SORCS2: variants seen among roughly 807,000 people sequenced by gnomAD.
SORCS2 encodes VPS10 domain-containing receptor SorCS2.
SORCS2 carries 100 observed loss-of-function variants against 141.6 expected under a neutral mutation model. That is an observed-to-expected ratio of 0.71 (90% CI 0.60 to 0.83). The LOEUF is 0.83. Ranked by LOEUF, SORCS2 falls within the 40% of genes least tolerant of loss-of-function variation. The probability of loss-of-function intolerance (pLI) is 0.00; values close to 1 mark genes in which losing one functional copy is unlikely to be tolerated. For missense variants in SORCS2, 1,646 were observed against 1,560.2 expected, an observed-to-expected ratio of 1.05 and a Z score of -0.93; for synonymous variants, 789 against 676.9, an observed-to-expected ratio of 1.17 and a Z score of -2.57.
rs573019477 is a variant in SORCS2, at chr4:7,386,688, C to T, written c.481-9600C>T. ...ACACACACATAGGTACATGCATGCA[C>T]ACATGCACACACAGATACAGAGATA... On this transcript the variant is annotated intron_variant, in intron 1 of 26. Coordinates refer to ENST00000507866, the MANE Select transcript of SORCS2 (RefSeq NM_020777.3). Among the ~76,000 whole-genome samples, 5 of 150,412 alleles carry T rather than the reference C, an allele frequency of 3.3e-5. No homozygotes were observed. The South Asian group carries it at 1.1e-3, about 32-fold the overall frequency.
intron 18 of SORCS2, 151 bp from the exon 19 acceptor site, chr4:7,723,546 C>T (rs1051114898): frequency 3.0e-5 from 25 of 835,042 alleles, no homozygotes; most frequent in African/African-American, 2.0e-4. Context: ...GAACCAGGCC[C>T]GGTCTCCTGT....
intron 3 of SORCS2, among the ~76,000 whole-genome samples, chr4:7,602,988 C>T (rs773353217): frequency 5.9e-5 from 9 of 152,212 alleles, no homozygotes; most frequent in Non-Finnish European, 1.3e-4. Flanking sequence ...AAAACCCCGT[C>T]TCCACCAAAA....
At chr4:7,697,078 G>A in intron 11 of SORCS2, 120 bp from the exon 12 acceptor site, 2 of 767,704 alleles carry the variant, frequency 2.6e-6, no homozygotes, top group South Asian at 1.7e-5. Flanking sequence ...AGGTCTGTGG[G>A]GGATATGGAG....
At chr4:7,275,935 C>T (rs548250673) in intron 1 of SORCS2, among the ~76,000 whole-genome samples, 183 of 152,282 alleles carry the variant, frequency 1.2e-3, no homozygotes, top group African/African-American at 4.3e-3. Flanking sequence ...AAAAAGAATG[C>T]AAATGAAGTG....
intron 1 of SORCS2, among the ~76,000 whole-genome samples, chr4:7,332,364 G>A (rs760963919): frequency 7.2e-5 from 11 of 152,206 alleles, no homozygotes; most frequent in Non-Finnish European, 1.3e-4. Flanking sequence ...AGAGGCACCC[G>A]CAGCCTCCTG....
At chr4:7,620,114 G>C (rs576370808) in intron 3 of SORCS2, among the ~76,000 whole-genome samples, 1 of 151,684 alleles carries the variant, frequency 6.6e-6, no homozygotes, top group African/African-American at 2.4e-5. Flanking sequence ...ACCACTGGGC[G>C]TTTCTCCTGA....
chr4:7,331,864 AG>A (rs1344999612), intron 1 of SORCS2, among the ~76,000 whole-genome samples: 1 of 152,162 alleles, frequency 6.6e-6, no homozygotes, highest in Non-Finnish European at 1.5e-5. Flanking sequence ...GGGGACACTG[AG>A]GCTGCAAGAG....
At chr4:7,693,275 G>A (rs577125796) in intron 11 of SORCS2, among the ~76,000 whole-genome samples, 14 of 152,302 alleles carry the variant, frequency 9.2e-5, no homozygotes, top group African/African-American at 3.4e-4. Flanking sequence ...TATACCCTGT[G>A]AGATCAATGT....
At chr4:7,455,615 GC>G (rs1728851551) in intron 2 of SORCS2, among the ~76,000 whole-genome samples, 2 of 142,812 alleles carry the variant, frequency 1.4e-5, no homozygotes, top group African/African-American at 2.6e-5. Context: ...TTGGGGTCAG[GC>G]TCTGTGTTGG....
intron 3 of SORCS2, among the ~76,000 whole-genome samples, chr4:7,578,450 C>T (rs1340491862): frequency 6.6e-6 from 1 of 152,220 alleles, no homozygotes; most frequent in Non-Finnish European, 1.5e-5. Flanking sequence ...TTTCTGGTCA[C>T]CTGCCAGCAG....
At chr4:7,589,656 C>T (rs1288120984) in intron 3 of SORCS2, among the ~76,000 whole-genome samples, 3 of 152,216 alleles carry the variant, frequency 2.0e-5, no homozygotes, top group Non-Finnish European at 4.4e-5. Context: ...CCACCTCAGC[C>T]TCCCAAAGTG....
chr4:7,613,451 A>C (rs1718554140), intron 3 of SORCS2, among the ~76,000 whole-genome samples: 1 of 152,176 alleles, frequency 6.6e-6, no homozygotes, highest in Non-Finnish European at 1.5e-5. Context: ...GCCGCCCTCC[A>C]CCCAGAAGCA....
intron 1 of SORCS2, among the ~76,000 whole-genome samples, chr4:7,349,020 A>G (rs146303479): frequency 4.7e-4 from 72 of 152,288 alleles, no homozygotes; most frequent in African/African-American, 1.6e-3. Context: ...TCTGGCTTCC[A>G]TACACTTATT....
intron 2 of SORCS2, among the ~76,000 whole-genome samples, chr4:7,419,377 A>G (rs1725895805): frequency 6.6e-6 from 1 of 152,118 alleles, no homozygotes; most frequent in Non-Finnish European, 1.5e-5. Context: ...ACACTGGAGG[A>G]ACCAGGAAAG....
At chr4:7,302,956 G>A (rs1025273681) in intron 1 of SORCS2, among the ~76,000 whole-genome samples, 4 of 152,270 alleles carry the variant, frequency 2.6e-5, no homozygotes, top group East Asian at 1.9e-4. Flanking sequence ...CCCTAGCTGC[G>A]TGGGGGCCGC....
At chr4:7,317,871 C>A (rs1718663605) in intron 1 of SORCS2, among the ~76,000 whole-genome samples, 1 of 152,130 alleles carries the variant, frequency 6.6e-6, no homozygotes, top group Non-Finnish European at 1.5e-5. Context: ...GTGAGGGCCA[C>A]AGGAAGGCCC....
At chr4:7,554,332 A>G (rs1713947536) in intron 3 of SORCS2, among the ~76,000 whole-genome samples, 1 of 150,240 alleles carries the variant, frequency 6.7e-6, no homozygotes, top group Admixed American at 6.7e-5. Flanking sequence ...GTTTATTATT[A>G]TTGAGGAGGA....
intron 1 of SORCS2, among the ~76,000 whole-genome samples, chr4:7,392,063 C>T (rs1168001207): frequency 6.6e-6 from 1 of 152,246 alleles, no homozygotes; most frequent in African/African-American, 2.4e-5. Flanking sequence ...AATTTCAAGA[C>T]AGCAACAGCA....
chr4:7,661,415 C>T lies in SORCS2; in HGVS notation c.888-85C>T, dbSNP rs140539873. ...GGCGGCTTCAGAACCAGGGAGGCCACGTGGCTGCAGGGAGTGTGGGGAGCA... is the reference window on the plus strand; with the variant it reads ...GGCGGCTTCAGAACCAGGGAGGCCATGTGGCTGCAGGGAGTGTGGGGAGCA... On this transcript the variant is annotated intron_variant, in intron 5 of 26. Coordinates refer to ENST00000507866, the MANE Select transcript of SORCS2 (RefSeq NM_020777.3). 3,253 of 1,449,330 alleles carry T rather than the reference C, an allele frequency of 2.2e-3. 4 individuals carry two copies. Among genetic ancestry groups the T allele is most frequent in the Non-Finnish European group, 2.7e-3 (2,896 of 1,054,986 alleles). 89.8% of individuals were successfully genotyped at this position (1,449,330 alleles called of 1,614,324 possible). A position where few individuals can be genotyped will look rare whatever the true frequency, so the allele number is the denominator to read the frequency against.
Sources: allele counts gnomAD v4.1 joint callset (sites outside exome capture counted in the v4.1 genomes callset), GRCh38; gene constraint gnomAD v4.1.1; transcripts MANE v1.5; gene names NCBI Gene and HGNC (gene_info 2026-07-23, HGNC 2026-07-21).